The following VWA8 variants were observed in gnomAD, a reference collection of about 807,000 sequenced individuals.
VWA8 encodes the protein von Willebrand factor A domain containing 8.
In VWA8, 221 loss-of-function variants were observed where a neutral mutation model predicts 241.5. The observed-to-expected ratio is 0.91, with a 90% confidence interval of 0.82 to 1.02. The LOEUF (loss-of-function observed/expected upper bound fraction) is 1.02, where lower values mean the gene tolerates loss of function less well. Ranked by LOEUF, VWA8 falls within the 50% of genes least tolerant of loss-of-function variation. VWA8 has a pLI of 0.00. For synonymous variants in VWA8, 852 were observed against 827.1 expected (o/e 1.03, Z -0.52); for missense variants, 2,322 against 2,328.7 (o/e 1.00, Z 0.06).
At chr13:41,947,592 A>G (rs1321587887) in intron 2 of VWA8, among the ~76,000 whole-genome samples, 1 of 152,194 alleles carries the variant, frequency 6.6e-6, no homozygotes. Context: ...AAAAACTAGA[A>G]TCCTCACACA....
At chr13:41,657,740 C>G (rs951277552) in intron 37 of VWA8, among the ~76,000 whole-genome samples, 2 of 152,184 alleles carry the variant, frequency 1.3e-5, no homozygotes, top group African/African-American at 4.8e-5. Context: ...CTACCCGCCT[C>G]GGCCTCCCAA....
intron 21 of VWA8, among the ~76,000 whole-genome samples, chr13:41,755,374 C>T (rs2045687292): frequency 6.6e-6 from 1 of 151,794 alleles, no homozygotes; most frequent in Non-Finnish European, 1.5e-5. Context: ...TAGTAAATAA[C>T]CAATATTGTT....
rs149871059 is a variant in VWA8, at chr13:41,910,168, G to A, written c.372+1870C>T. Among the ~76,000 whole-genome samples the A allele has an allele frequency of 1.8e-3, 267 of 152,250 alleles. 2 individuals are homozygous for A. The highest frequency in any genetic ancestry group is 5.9e-3 in the African/African-American group (246 of 41,544). ...ATCTATGTTGCATTTTTGAACCAAC[G>A]AGGCTTCTCATAATCTCTTAGCCCT... On this transcript the variant is annotated intron_variant, in intron 3 of 44. Coordinates refer to ENST00000379310, the MANE Select transcript of VWA8 (RefSeq NM_015058.2).
At chr13:41,783,318 ATTTTCTG>A (rs1336863069) in intron 19 of VWA8, among the ~76,000 whole-genome samples, 3 of 151,110 alleles carry the variant, frequency 2.0e-5, no homozygotes, top group African/African-American at 7.3e-5. Flanking sequence ...TTTGGAAAAA[ATTTTCTG>A]TTTTCTGTCT....
chr13:41,607,124 G>A (rs895827239), intron 39 of VWA8, among the ~76,000 whole-genome samples: 13 of 152,128 alleles, frequency 8.5e-5, no homozygotes, highest in African/African-American at 1.2e-4. Flanking sequence ...GTACTCTGAT[G>A]TTTTCTATTC....
chr13:41,747,346 T>C (rs566629908), intron 21 of VWA8, among the ~76,000 whole-genome samples: 2 of 152,212 alleles, frequency 1.3e-5, no homozygotes, highest in Non-Finnish European at 2.9e-5. Context: ...AGGTATTTTA[T>C]TCTCTTTGAA....
At chr13:41,711,849 G>A (rs1246373406) in intron 26 of VWA8, among the ~76,000 whole-genome samples, 1 of 152,058 alleles carries the variant, frequency 6.6e-6, no homozygotes, top group Non-Finnish European at 1.5e-5. Context: ...ACTCCAGCCT[G>A]GGCGACAGAG....
intron 19 of VWA8, among the ~76,000 whole-genome samples, chr13:41,782,803 GGAAGA>G (rs1288790427): frequency 4.6e-5 from 7 of 151,656 alleles, no homozygotes; most frequent in Admixed American, 1.3e-4. Context: ...CAGAAAAGTT[GGAAGA>G]GAAAACATTT....
At chr13:41,830,242 C>CA (rs1305339760) in intron 14 of VWA8, among the ~76,000 whole-genome samples, 627 of 52,238 alleles carry the variant, frequency 0.012, 1 homozygote, top group African/African-American at 0.018. Flanking sequence ...GACTCTGTCT[C>CA]AAAAAAAAAA....
chr13:41,618,192 C>T (rs1035011010), intron 37 of VWA8, among the ~76,000 whole-genome samples: 52 of 152,214 alleles, frequency 3.4e-4, no homozygotes, highest in African/African-American at 1.2e-3. Flanking sequence ...AGATGGTATA[C>T]CATTGTGGTT....
At chr13:41,850,717 A>G (rs896629073) in intron 12 of VWA8, among the ~76,000 whole-genome samples, 1 of 152,108 alleles carries the variant, frequency 6.6e-6, no homozygotes, top group Non-Finnish European at 1.5e-5. Flanking sequence ...AGCTTTCCCT[A>G]TCAAGGCCAG....
rs1261476325 is a variant in VWA8 at position 41,820,527 on chromosome 13, GA to G, written c.1701-1142del. 2.0e-5 allele frequency among the ~76,000 whole-genome samples: 3 copies of G among 152,132 alleles called. No homozygotes were observed. The East Asian group carries it at 5.8e-4, about 29-fold the overall frequency. ...GAAAACAAGGGGAAACCAATTTTTA[GA>G]AACTGGTCACATGAAAGGCCTAGAT... is the stretch of plus-strand genomic sequence containing the variant. On this transcript the variant is annotated intron_variant, in intron 14 of 44. Transcript: ENST00000379310.
At chr13:41,599,485 A>G (rs2044508376) in intron 40 of VWA8, among the ~76,000 whole-genome samples, 1 of 152,154 alleles carries the variant, frequency 6.6e-6, no homozygotes, top group African/African-American at 2.4e-5. Context: ...AATGCTTGTT[A>G]TTCCACCTCA....
At chr13:41,821,187 T>C (rs940848843) in intron 14 of VWA8, among the ~76,000 whole-genome samples, 3 of 152,200 alleles carry the variant, frequency 2.0e-5, no homozygotes, top group Admixed American at 6.5e-5. Context: ...TTAAAGGTGA[T>C]GATAATTTAC....
chr13:41,898,843 C>T (rs1489252160), intron 4 of VWA8, among the ~76,000 whole-genome samples: 4 of 151,566 alleles, frequency 2.6e-5, no homozygotes, highest in African/African-American at 4.8e-5. Flanking sequence ...CCTCATTGCC[C>T]GGGGCCTGCA....
intron 22 of VWA8, among the ~76,000 whole-genome samples, chr13:41,730,288 C>A (rs575333712): frequency 3.5e-4 from 54 of 152,164 alleles, no homozygotes; most frequent in African/African-American, 1.3e-3. Context: ...GAAGGGTAGA[C>A]TGGGTGTCTA....
chr13:41,776,118 T>C (rs1868580856), intron 20 of VWA8, among the ~76,000 whole-genome samples: 1 of 152,148 alleles, frequency 6.6e-6, no homozygotes, highest in South Asian at 2.1e-4. Context: ...ACCTGCACCT[T>C]AGAAAAATTA....
At chr13:41,672,837 T>C (rs1176639827) in intron 36 of VWA8, among the ~76,000 whole-genome samples, 1 of 152,194 alleles carries the variant, frequency 6.6e-6, no homozygotes, top group Non-Finnish European at 1.5e-5. Flanking sequence ...TAGTTACAGA[T>C]GATGGAGTAA....
intron 9 of VWA8, among the ~76,000 whole-genome samples, chr13:41,876,665 C>T (rs542016991): frequency 6.6e-6 from 1 of 152,202 alleles, no homozygotes; most frequent in African/African-American, 2.4e-5. Context: ...ATCTCCAGCA[C>T]AATAGTGCCT....
Sources: gnomAD v4.1 joint callset for allele counts (sites outside exome capture counted in the v4.1 genomes callset) on GRCh38, gnomAD v4.1.1 for gene constraint, MANE v1.5 for transcripts, NCBI Gene and HGNC (gene_info 2026-07-23, HGNC 2026-07-21) for gene names.